The following KLHL29 variants were observed in gnomAD, a reference collection of about 807,000 sequenced individuals.
KLHL29 encodes the protein kelch-like protein 29.
Under a neutral mutation model 80.4 loss-of-function variants are expected in KLHL29, and 21 were observed. The ratio of observed to expected loss-of-function variants is 0.26; its 90% CI spans 0.19 to 0.38. The LOEUF is 0.38. KLHL29 is among the 10% of genes least tolerant of loss of function. The pLI, the probability that KLHL29 is intolerant of heterozygous loss-of-function variation, is 1.00. For synonymous variants in KLHL29, 511 were observed against 526.8 expected (o/e 0.97, Z 0.41); for missense variants, 867 against 1,223.9 (o/e 0.71, Z 4.35).
In KLHL29 at chr2:23,460,727, G is replaced by A. The variant is rs534086530; in HGVS notation, c.-153-14833G>A. On this transcript the variant is annotated intron_variant, in intron 1 of 13. Coordinates refer to ENST00000486442, the MANE Select transcript of KLHL29 (RefSeq NM_052920.2). ...AACTCAGGAGCTTCCCGTGAAGGGA[G>A]CATCGTGCAAACTCAGGAGCTTCCC... Among the ~76,000 whole-genome samples, 383 of 151,864 alleles carry A rather than the reference G, an allele frequency of 2.5e-3. 2 individuals are homozygous for A. The highest frequency in any genetic ancestry group is 9.1e-3 in the African/African-American group (376 of 41,382).
Position 23,684,357 on chromosome 2 carries a change from C to T in KLHL29, c.941-42C>T. 2 of 1,316,196 alleles carry T rather than the reference C, an allele frequency of 1.5e-6. No individual in the cohort carries two copies. Among genetic ancestry groups the T allele is most frequent in the South Asian group, 2.2e-5 (1 of 44,668 alleles). The allele number at this position is 1,316,196 out of a possible 1,614,324, so 81.5% of individuals were successfully genotyped here. A position where few individuals can be genotyped will look rare whatever the true frequency, so the allele number is the denominator to read the frequency against. ...TTTTTTAATTAAAAAAAAAAAAACT[C>T]TTAATGGGAACCTGGCCCTGTCTGT... On this transcript the variant is annotated intron_variant, in intron 5 of 13. Transcript: ENST00000486442. The surrounding 1 kb of genome is among the most constrained non-coding windows in gnomAD (Gnocchi z 4.4).
At chr2:23,616,256 C>T (rs1182956406) in intron 3 of KLHL29, among the ~76,000 whole-genome samples, 1 of 152,206 alleles carries the variant, frequency 6.6e-6, no homozygotes, top group Non-Finnish European at 1.5e-5. Context: ...AAAGTTCATA[C>T]TCAGCCTGGG....
At chr2:23,466,615 CA>C (rs1664361224) in intron 1 of KLHL29, among the ~76,000 whole-genome samples, 1 of 152,182 alleles carries the variant, frequency 6.6e-6, no homozygotes, top group African/African-American at 2.4e-5. Flanking sequence ...TTTGTATGTG[CA>C]GTTACCTGTG....
intron 1 of KLHL29, among the ~76,000 whole-genome samples, chr2:23,425,196 A>G (rs1662973678): frequency 6.6e-6 from 1 of 152,238 alleles, no homozygotes; most frequent in Non-Finnish European, 1.5e-5. Flanking sequence ...TTTTTACCAT[A>G]AGCCATGCAA....
intron 3 of KLHL29, among the ~76,000 whole-genome samples, chr2:23,609,380 T>C (rs1668802259): frequency 6.6e-6 from 1 of 152,114 alleles, no homozygotes; most frequent in East Asian, 1.9e-4. Context: ...TTGTGAGGAC[T>C]GAAAAGTCAT....
chr2:23,583,471 G>T (rs569953401), intron 3 of KLHL29, among the ~76,000 whole-genome samples: 3 of 152,288 alleles, frequency 2.0e-5, no homozygotes, highest in South Asian at 2.1e-4. Context: ...ATGATCACCT[G>T]CCTGCTTCCT....
At position 23,503,676 on chromosome 2, in the gene KLHL29, C is replaced by T. The variant is rs1415027856; in HGVS notation, c.-46+28009C>T. On this transcript the variant is annotated intron_variant, in intron 2 of 13. Transcript: ENST00000486442. This position sits in a 1 kb window ranked among gnomAD's most constrained non-coding sequence, Gnocchi z 4.0. ...AGCTGCCCCCGTCCATGTTCCAGCT[C>T]CTCCCAGGCCCCCATGGATAAAATA... is the stretch of plus-strand genomic sequence containing the variant. Among the ~76,000 whole-genome samples the T allele has an allele frequency of 2.0e-5, 3 of 151,992 alleles. No individual in the cohort carries two copies. The highest frequency in any genetic ancestry group is 4.4e-5 in the Non-Finnish European group (3 of 68,020).
At chr2:23,706,141 G>C (rs182113922) in intron 13 of KLHL29, among the ~76,000 whole-genome samples, 2 of 152,206 alleles carry the variant, frequency 1.3e-5, no homozygotes, top group Admixed American at 6.5e-5. Context: ...GGAAGGCTGC[G>C]TGTGCCACAC....
intron 3 of KLHL29, among the ~76,000 whole-genome samples, chr2:23,603,945 G>A (rs951112795): frequency 2.0e-5 from 3 of 152,186 alleles, no homozygotes; most frequent in Admixed American, 6.5e-5. Flanking sequence ...CCAGATTTGT[G>A]GCGAGGTTGA....
At chr2:23,589,002 G>C (rs1668186730) in intron 3 of KLHL29, among the ~76,000 whole-genome samples, 1 of 152,228 alleles carries the variant, frequency 6.6e-6, no homozygotes, top group Non-Finnish European at 1.5e-5. Context: ...CATAGCTCTT[G>C]GTTTATGTGT....
At chr2:23,664,410 G>C (rs1336003894) in intron 5 of KLHL29, among the ~76,000 whole-genome samples, 1 of 152,102 alleles carries the variant, frequency 6.6e-6, no homozygotes, top group Non-Finnish European at 1.5e-5. Context: ...TGGGGCTTTG[G>C]GTTCTAAATT....
At chr2:23,641,431 G>A (rs370003243) in intron 4 of KLHL29, among the ~76,000 whole-genome samples, 44 of 152,118 alleles carry the variant, frequency 2.9e-4, no homozygotes, top group African/African-American at 1.0e-3. Context: ...GACCATGCCC[G>A]GCCCCGGGCT....
At chr2:23,671,670 C>T (rs1207061531) in intron 5 of KLHL29, among the ~76,000 whole-genome samples, 1 of 152,160 alleles carries the variant, frequency 6.6e-6, no homozygotes, top group African/African-American at 2.4e-5. Flanking sequence ...CCCTACACCC[C>T]ACAACAGCTG....
At chr2:23,687,904 ACAG>A (rs1671345628) in intron 6 of KLHL29, among the ~76,000 whole-genome samples, 1 of 152,078 alleles carries the variant, frequency 6.6e-6, no homozygotes, top group Non-Finnish European at 1.5e-5. Flanking sequence ...TGTAAAGATG[ACAG>A]TCAGACCATG....
chr2:23,574,006 C>T (rs1301273695), intron 3 of KLHL29, among the ~76,000 whole-genome samples: 1 of 152,116 alleles, frequency 6.6e-6, no homozygotes, highest in Non-Finnish European at 1.5e-5. Context: ...CTCAGGGAAG[C>T]AGCTCCCTCT....
intron 2 of KLHL29, among the ~76,000 whole-genome samples, chr2:23,560,476 G>A (rs1012353003): frequency 6.6e-6 from 1 of 152,024 alleles, no homozygotes; most frequent in Non-Finnish European, 1.5e-5. Flanking sequence ...TCACTGTGTT[G>A]GCCAAGATGG....
rs771586467 is a variant in KLHL29 at position 23,700,060 on chromosome 2, G to A, written c.2106-3126G>A. 1.3e-5 allele frequency among the ~76,000 whole-genome samples: 2 copies of A among 152,106 alleles called. No homozygotes were observed. The highest frequency in any genetic ancestry group is 1.9e-4 in the East Asian group (1 of 5,194). On this transcript the variant is annotated intron_variant, in intron 11 of 13. Coordinates refer to ENST00000486442, the MANE Select transcript of KLHL29 (RefSeq NM_052920.2). This position sits in a 1 kb window ranked among gnomAD's most constrained non-coding sequence, Gnocchi z 4.6. ...TCTCTCCTGTGCAAATGGACTCCAC[G>A]TTCCCTCTGCACTTTGGATTCCATT...
chr2:23,633,216 G>A (rs1215027687), intron 3 of KLHL29, among the ~76,000 whole-genome samples: 2 of 152,160 alleles, frequency 1.3e-5, no homozygotes, highest in Non-Finnish European at 2.9e-5. Context: ...TGTCTTCCCT[G>A]GGGCTCCTCA....
intron 2 of KLHL29, among the ~76,000 whole-genome samples, chr2:23,538,234 C>T (rs948376774): frequency 6.6e-6 from 1 of 152,188 alleles, no homozygotes; most frequent in African/African-American, 2.4e-5. Context: ...TAAGGCAGCC[C>T]TTCTCAATGG....
Sources: gnomAD v4.1 joint callset for allele counts (sites outside exome capture counted in the v4.1 genomes callset) on GRCh38, gnomAD v4.1.1 for gene constraint, Gnocchi (gnomAD v3.1) non-coding constraint, MANE v1.5 for transcripts, NCBI Gene and HGNC (gene_info 2026-07-23, HGNC 2026-07-21) for gene names.